CCT4: variants seen among roughly 807,000 people sequenced by gnomAD.
CCT4 encodes the protein T-complex protein 1 subunit delta.
Under a neutral mutation model 62.5 loss-of-function variants are expected in CCT4, and 17 were observed. That is an observed-to-expected ratio of 0.27 (90% CI 0.19 to 0.41). The LOEUF is 0.41. CCT4 is among the 10% of genes least tolerant of loss of function. CCT4 has a pLI of 1.00. For synonymous variants in CCT4, 250 were observed against 229.9 expected, an observed-to-expected ratio of 1.09 and a Z score of -0.79; for missense variants, 592 against 659.2, an observed-to-expected ratio of 0.90 and a Z score of 1.12.
Position 61,880,294 on chromosome 2 carries a change from A to G in CCT4, c.371T>C (p.Leu124Pro). 3 of 1,549,778 alleles carry G rather than the reference A, an allele frequency of 1.9e-6. No homozygotes were observed. The highest frequency in any genetic ancestry group is 2.6e-6 in the Non-Finnish European group (3 of 1,142,548). The change falls in exon 4 of 14, where the codon CTT (leucine) becomes CCT (proline). Residue 124 changes from leucine (L) to proline (P), a missense_variant. By Grantham distance (98) the Leu-to-Pro change is moderately conservative. Around this residue, in one of 3 missense-constraint regions of CCT4, gnomAD observed 522 missense variants for 571.2 expected, o/e 0.91. Transcript: ENST00000394440. ...GSLLDSCTKLLQKGIHPTIIS... is the reference protein window; with the variant it reads ...GSLLDSCTKLPQKGIHPTIIS... The stretch of plus-strand genomic sequence containing the variant: ...AAGTACATCCTACCCACCTTTCTGA[A>G]GAAGCTTGGTACAAGAATCTAAGAG...
chr2:61,872,410 T>C (rs746634039), intron 11 of CCT4, 48 bp downstream of exon 11: 1 of 1,490,594 alleles, frequency 6.7e-7, no homozygotes, highest in Non-Finnish European at 9.1e-7. Flanking sequence ...TAGAATATAA[T>C]AGTTTTAATG....
rs1361782057 is a variant in CCT4 at position 61,883,541 on chromosome 2, T to C, written c.188A>G (p.Asp63Gly). The C allele has an allele frequency of 6.4e-7, 1 of 1,568,210 alleles. No individual in the cohort carries two copies. The highest frequency in any genetic ancestry group is 8.7e-7 in the Non-Finnish European group (1 of 1,153,518). The part of the protein sequence containing the change: ...GPKGMDKMIQ[D>G]GKGDVTITND... Reference sequence around the variant, plus strand: ...TGTAATGGTTACATCACCTTTTCCATCTTGAATCTAGAAAAAAAATTTTAA... The same window carrying C: ...TGTAATGGTTACATCACCTTTTCCACCTTGAATCTAGAAAAAAAATTTTAA... Residue 63 changes from aspartate (D) to glycine (G), a missense_variant, in exon 3 of 14, where the codon GAT (aspartate) becomes GGT (glycine). Asp to Gly is a moderately conservative substitution (Grantham distance 94, BLOSUM62 -1). Around this residue, in one of 3 missense-constraint regions of CCT4, gnomAD observed 522 missense variants for 571.2 expected, o/e 0.91. Coordinates refer to ENST00000394440, the MANE Select transcript of CCT4 (RefSeq NM_006430.4).
Position 61,873,155 on chromosome 2 carries a change from A to C in CCT4, c.1014+42T>G. Reference sequence around the variant, plus strand: ...ATCCACAAATTAAGACATTTATCTAATTATCAGACATTTTCCACAAATACA... The same window carrying C: ...ATCCACAAATTAAGACATTTATCTACTTATCAGACATTTTCCACAAATACA... On this transcript the variant is annotated intron_variant, in intron 9 of 13. Coordinates refer to ENST00000394440, the MANE Select transcript of CCT4 (RefSeq NM_006430.4). 2.1e-6 allele frequency: 3 copies of C among 1,461,132 alleles called. 1 individual carries two copies. Among genetic ancestry groups the C allele is most frequent in the Non-Finnish European group, 2.9e-6 (3 of 1,040,978 alleles). The allele number at this position is 1,461,132 out of a possible 1,614,324, so 90.5% of individuals were successfully genotyped here. A position where few individuals can be genotyped will look rare whatever the true frequency, so the allele number is the denominator to read the frequency against.
At chr2:61,870,048 C>A (rs1558502857) in intron 12 of CCT4, among the ~76,000 whole-genome samples, 1 of 151,236 alleles carries the variant, frequency 6.6e-6, no homozygotes, top group Non-Finnish European at 1.5e-5. Flanking sequence ...GAGGCCAAGG[C>A]AGGCAGATCA....
chr2:61,881,198 T>C (rs1669103260), intron 3 of CCT4, among the ~76,000 whole-genome samples: 1 of 138,660 alleles, frequency 7.2e-6, no homozygotes, highest in Non-Finnish European at 1.6e-5. Context: ...AGTTTTGTTT[T>C]ATTTAGCAAT....
chr2:61,872,043 A>C, intron 12 of CCT4, 39 bp downstream of exon 12: 1 of 1,366,618 alleles, frequency 7.3e-7, no homozygotes, highest in East Asian at 2.4e-5. Flanking sequence ...AATATTTTAA[A>C]TTAATCAATA....
At chr2:61,876,494 AGTT>A (rs1669004943) in intron 7 of CCT4, among the ~76,000 whole-genome samples, 1 of 152,174 alleles carries the variant, frequency 6.6e-6, no homozygotes, top group Non-Finnish European at 1.5e-5. Flanking sequence ...TGGTTACCCT[AGTT>A]GTTTTCAAAA....
chr2:61,880,496 T>A (rs1212056546), intron 3 of CCT4, 102 bp from the exon 4 acceptor site: 6 of 703,250 alleles, frequency 8.5e-6, no homozygotes, highest in Non-Finnish European at 1.5e-5. Flanking sequence ...AATTTGAAGA[T>A]GCAACATGAT....
chr2:61,882,168 G>C (rs1477106418), intron 3 of CCT4, among the ~76,000 whole-genome samples: 1 of 152,060 alleles, frequency 6.6e-6, no homozygotes, highest in Non-Finnish European at 1.5e-5. Flanking sequence ...CCTGACCTCA[G>C]GTGATCCACC....
intron 7 of CCT4, among the ~76,000 whole-genome samples, 182 bp from the exon 8 acceptor site, chr2:61,876,416 A>G (rs1669003155): frequency 6.6e-6 from 1 of 152,216 alleles, no homozygotes; most frequent in Admixed American, 6.5e-5. Flanking sequence ...TGAGTCTTTT[A>G]TTTTCAACTA....
At chr2:61,875,322 T>G (rs1047722302) in intron 8 of CCT4, among the ~76,000 whole-genome samples, 1 of 152,022 alleles carries the variant, frequency 6.6e-6, no homozygotes, top group Non-Finnish European at 1.5e-5. Context: ...CTCATGCCTG[T>G]AATCCCAGCA....
chr2:61,880,824 G>A (rs1356373862), intron 3 of CCT4, among the ~76,000 whole-genome samples: 1 of 152,034 alleles, frequency 6.6e-6, no homozygotes, highest in Non-Finnish European at 1.5e-5. Flanking sequence ...TCCTGTCTCA[G>A]TCTCCCGAGT....
At position 61,885,089 on chromosome 2, in the gene CCT4, A is replaced by G. The variant is rs771472718; in HGVS notation, c.128-17T>C. 2.6e-6 allele frequency: 4 copies of G among 1,526,544 alleles called. No homozygotes were observed. The South Asian group carries it at 3.9e-5, about 15-fold the overall frequency. The allele number at this position is 1,526,544 out of a possible 1,614,324, so 94.6% of individuals were successfully genotyped here. A position where few individuals can be genotyped will look rare whatever the true frequency, so the allele number is the denominator to read the frequency against. On this transcript the variant is annotated splice_polypyrimidine_tract_variant and intron_variant, in intron 1 of 13. Transcript: ENST00000394440. ...CAGCAACCGCTGCAGATGGGGGGGA[A>G]AAAAAAGAAAACAAATTAGAACTTT...
intron 12 of CCT4, among the ~76,000 whole-genome samples, chr2:61,871,777 C>A (rs758589010): frequency 2.0e-5 from 3 of 152,210 alleles, no homozygotes; most frequent in African/African-American, 7.2e-5. Context: ...ATTCTCACAA[C>A]AGGCCTATGA....
At chr2:61,874,024 A>C (rs556261575) in intron 8 of CCT4, among the ~76,000 whole-genome samples, 14 of 152,302 alleles carry the variant, frequency 9.2e-5, no homozygotes, top group Non-Finnish European at 1.6e-4. Flanking sequence ...AAATGAGCAC[A>C]TCTTGGGAAG....
At chr2:61,870,534 T>C (rs1178851572) in intron 12 of CCT4, among the ~76,000 whole-genome samples, 1 of 152,134 alleles carries the variant, frequency 6.6e-6, no homozygotes, top group African/African-American at 2.4e-5. Context: ...TACTTCCCTT[T>C]ATCCCGGGAT....
In CCT4 at chr2:61,872,461, T is replaced by C. The variant is rs1163676874; in HGVS notation, c.1253A>G (p.Lys418Arg). Residue 418 changes from lysine to arginine, a missense_variant, in exon 11 of 14, where the codon AAG becomes AGG. Around this residue, in one of 3 missense-constraint regions of CCT4, gnomAD observed 522 missense variants for 571.2 expected, o/e 0.91. Coordinates refer to ENST00000394440, the MANE Select transcript of CCT4 (RefSeq NM_006430.4). ...AATAATGTAACACTGACATTACCTCTTCTTCACTAAACAACGAATAACACA... is the reference window on the plus strand; with the variant it reads ...AATAATGTAACACTGACATTACCTCCTCTTCACTAAACAACGAATAACACA... ...ALCVIRCLVK[K>R]RALIAGGGAP... 1.2e-6 allele frequency: 2 copies of C among 1,611,518 alleles called. No individual in the cohort carries two copies. The highest frequency in any genetic ancestry group is 4.5e-5 in the East Asian group (2 of 44,820).
intron 5 of CCT4, among the ~76,000 whole-genome samples, chr2:61,877,882 G>C (rs753440808): frequency 1.3e-5 from 2 of 152,196 alleles, no homozygotes; most frequent in African/African-American, 2.4e-5. Flanking sequence ...ATGAGGGGTT[G>C]ATAAAAATTG....
Position 61,868,639 on chromosome 2 carries a change from T to C in CCT4, c.*53A>G, listed in dbSNP as rs896254332. 14 of 1,406,632 alleles carry C rather than the reference T, an allele frequency of 1.0e-5. 1 individual carries two copies. Among genetic ancestry groups the C allele is most frequent in the South Asian group, 7.0e-5 (6 of 85,786 alleles). The allele number at this position is 1,406,632 out of a possible 1,614,324, so 87.1% of individuals were successfully genotyped here. A position where few individuals can be genotyped will look rare whatever the true frequency, so the allele number is the denominator to read the frequency against. ...ACAAGGAACACCAAGGTGATCTTCTTCCATTCCAGCCACAATACTGGTGAT... is the reference window on the plus strand; with the variant it reads ...ACAAGGAACACCAAGGTGATCTTCTCCCATTCCAGCCACAATACTGGTGAT... On this transcript the variant is annotated 3_prime_UTR_variant, in exon 14 of 14. Coordinates refer to ENST00000394440, the MANE Select transcript of CCT4 (RefSeq NM_006430.4).
Sources: allele counts gnomAD v4.1 joint callset (sites outside exome capture counted in the v4.1 genomes callset), GRCh38; gene constraint gnomAD v4.1.1; regional missense constraint gnomAD v4.1.1; transcripts MANE v1.5; gene names NCBI Gene and HGNC (gene_info 2026-07-23, HGNC 2026-07-21).